ATF6: variants seen among roughly 807,000 people sequenced by gnomAD.
ATF6 encodes activating transcription factor 6.
ATF6 carries 53 observed loss-of-function variants against 83.6 expected under a neutral mutation model. The ratio of observed to expected loss-of-function variants is 0.63; its 90% CI spans 0.51 to 0.80. ATF6 has a LOEUF of 0.80. Among genes scored for constraint, ATF6 ranks in the 30% least tolerant of loss-of-function variants. The pLI is 0.00. For missense variants in ATF6, 744 were observed against 797.9 expected (o/e 0.93, Z 0.81); for synonymous variants, 288 against 285.8 (o/e 1.01, Z -0.08).
intron 15 of ATF6, among the ~76,000 whole-genome samples, chr1:161,921,995 C>CTGTT (rs4039613): frequency 2.6e-4 from 40 of 151,342 alleles, no homozygotes; most frequent in African/African-American, 4.1e-4. Context: ...CTTGTTTTCC[C>CTGTT]TGTTTGTTTG....
At chr1:161,820,535 A>G (rs1326502409) in intron 8 of ATF6, among the ~76,000 whole-genome samples, 2 of 152,116 alleles carry the variant, frequency 1.3e-5, no homozygotes, top group Non-Finnish European at 2.9e-5. Flanking sequence ...GGCGGATCAC[A>G]AGGTCAGGAG....
intron 9 of ATF6, chr1:161,839,935 G>A (rs537969561): frequency 3.7e-4 from 56 of 152,322 alleles, no homozygotes; most frequent in African/African-American, 1.2e-3. Flanking sequence ...GACTTCTGTC[G>A]TTTTAAAGAT....
intron 7 of ATF6, among the ~76,000 whole-genome samples, chr1:161,812,366 ATTTTCT>A (rs1685492018): frequency 1.1e-4 from 4 of 37,526 alleles, no homozygotes; most frequent in African/African-American, 3.5e-4. Context: ...GGGAGCAGGT[ATTTTCT>A]TTTTTTTTTT....
chr1:161,897,236 C>T (rs56372217), intron 14 of ATF6, among the ~76,000 whole-genome samples: 2,983 of 152,042 alleles, frequency 0.02, 109 homozygotes, highest in African/African-American at 0.067. Flanking sequence ...GAGTTTGAGA[C>T]CAGCCTGGGC....
chr1:161,792,315 G>A lies in ATF6; in HGVS notation c.676G>A (p.Ala226Thr). The change falls in exon 6 of 16, where the codon GCA becomes ACA. Residue 226 changes from alanine to threonine, a missense_variant. Ala to Thr is a moderately conservative substitution (Grantham distance 58, BLOSUM62 0). Transcript: ENST00000367942. ...KQQPIISLQP[A>T]PTKGQTVLLS... ...GCAACCAATTATCAGTTTACAACCT[G>A]CACCCACTAAAGGTACCTGAGCAGA... 1 of 1,613,626 alleles carries A rather than the reference G, an allele frequency of 6.2e-7. No homozygotes were observed.
In ATF6 at chr1:161,819,643, T is replaced by G. The variant is rs777778633; in HGVS notation, c.920T>G (p.Leu307Arg). The G allele has an allele frequency of 1.2e-6, 2 of 1,603,526 alleles. No individual in the cohort carries two copies. The highest frequency in any genetic ancestry group is 2.2e-5 in the South Asian group (2 of 89,142). Reference sequence around the variant, plus strand: ...TATAACTTTTTCTAGATTGCTGTGCTAAGGAGACAGCAACGTATGATAAAA... The same window carrying G: ...TATAACTTTTTCTAGATTGCTGTGCGAAGGAGACAGCAACGTATGATAAAA... The part of the protein sequence containing the change: ...MRNVGSDIAV[L>R]RRQQRMIKNR... Residue 307 changes from leucine (L) to arginine (R), a missense_variant, in exon 8 of 16, where the codon CTA becomes CGA. Leu to Arg is a moderately radical substitution (Grantham distance 102). Coordinates refer to ENST00000367942, the MANE Select transcript of ATF6 (RefSeq NM_007348.4).
intron 14 of ATF6, among the ~76,000 whole-genome samples, chr1:161,904,170 C>T (rs1687841740): frequency 1.3e-5 from 2 of 152,118 alleles, no homozygotes; most frequent in South Asian, 4.1e-4. Flanking sequence ...TATTTTACCC[C>T]AGTTTGACTT....
rs1389213223 is a variant in ATF6 at position 161,773,927 on chromosome 1, C to T, written c.83-4317C>T. Among the ~76,000 whole-genome samples the T allele has an allele frequency of 4.6e-5, 7 of 152,068 alleles. No homozygotes were observed. The East Asian group carries it at 1.2e-3, about 25-fold the overall frequency. On this transcript the variant is annotated intron_variant, in intron 1 of 15. Transcript: ENST00000367942. ...TTTAACCACAGAAAAGTCAAAAGATCAGTACACTGATAAACGTGCGTTTTC... is the reference window on the plus strand; with the variant it reads ...TTTAACCACAGAAAAGTCAAAAGATTAGTACACTGATAAACGTGCGTTTTC...
In ATF6 at chr1:161,843,198, G is replaced by A. The variant is rs576023413; in HGVS notation, c.1188-3251G>A. Reference sequence around the variant, plus strand: ...CTTAACATGCACATCTTTGAGATGTGGGAGGAAACTGGAGTACCCACAGGA... The same window carrying A: ...CTTAACATGCACATCTTTGAGATGTAGGAGGAAACTGGAGTACCCACAGGA... On this transcript the variant is annotated intron_variant, in intron 9 of 15. Coordinates refer to ENST00000367942, the MANE Select transcript of ATF6 (RefSeq NM_007348.4). Among the ~76,000 whole-genome samples the A allele has an allele frequency of 4.6e-5, 7 of 152,204 alleles. No homozygotes were observed. In the South Asian group the frequency reaches 1.0e-3, roughly 23 times the overall value.
intron 10 of ATF6, among the ~76,000 whole-genome samples, chr1:161,851,151 C>CACACAA: frequency 6.7e-6 from 1 of 148,212 alleles, no homozygotes; most frequent in Non-Finnish European, 1.5e-5. Flanking sequence ...TACACACACA[C>CACACAA]ACACACACAC....
At chr1:161,833,630 G>A (rs999055933) in intron 9 of ATF6, among the ~76,000 whole-genome samples, 1 of 152,166 alleles carries the variant, frequency 6.6e-6, no homozygotes, top group Non-Finnish European at 1.5e-5. Flanking sequence ...AGTAACCAAT[G>A]CGATCAACTG....
intron 14 of ATF6, among the ~76,000 whole-genome samples, chr1:161,866,960 G>C (rs924220504): frequency 6.6e-6 from 1 of 151,972 alleles, no homozygotes; most frequent in Non-Finnish European, 1.5e-5. Flanking sequence ...TTGTTGCCCA[G>C]GCTTGTCTTG....
At chr1:161,892,160 A>G (rs776964474) in intron 14 of ATF6, 4 of 152,194 alleles carry the variant, frequency 2.6e-5, no homozygotes, top group Admixed American at 6.5e-5. Flanking sequence ...CTCCAGTTTA[A>G]CAGATTGAAA....
chr1:161,779,855 A>G (rs1291933484), intron 2 of ATF6, among the ~76,000 whole-genome samples: 1 of 152,050 alleles, frequency 6.6e-6, no homozygotes, highest in African/African-American at 2.4e-5. Flanking sequence ...CTCATGTCTC[A>G]GCCTCCTGAA....
chr1:161,843,893 T>C (rs1157930270), intron 9 of ATF6, among the ~76,000 whole-genome samples: 1 of 152,170 alleles, frequency 6.6e-6, no homozygotes, highest in Admixed American at 6.6e-5. Flanking sequence ...CTTGATTGAT[T>C]AGTAGGTAAG....
chr1:161,888,471 T>G (rs1687477213), intron 14 of ATF6, among the ~76,000 whole-genome samples: 1 of 152,206 alleles, frequency 6.6e-6, no homozygotes, highest in Non-Finnish European at 1.5e-5. Context: ...GTAGTAAATA[T>G]GAGTGTGTAA....
chr1:161,800,980 C>G (rs570465368), intron 6 of ATF6, among the ~76,000 whole-genome samples: 9 of 152,258 alleles, frequency 5.9e-5, no homozygotes, highest in Non-Finnish European at 1.3e-4. Context: ...GGCACTTTTT[C>G]TGCAGCGTTA....
At chr1:161,869,848 A>G (rs1345253237) in intron 14 of ATF6, among the ~76,000 whole-genome samples, 1 of 151,844 alleles carries the variant, frequency 6.6e-6, no homozygotes, top group African/African-American at 2.4e-5. Context: ...GTAGTTTACA[A>G]ACCTCTTTCA....
chr1:161,788,665 G>C (rs980116985), intron 4 of ATF6, among the ~76,000 whole-genome samples: 1 of 151,416 alleles, frequency 6.6e-6, no homozygotes, highest in Non-Finnish European at 1.5e-5. Flanking sequence ...TTAACCATAT[G>C]GTTTACCTTT....
Sources: allele counts gnomAD v4.1 joint callset (sites outside exome capture counted in the v4.1 genomes callset), GRCh38; gene constraint gnomAD v4.1.1; transcripts MANE v1.5; gene names NCBI Gene and HGNC (gene_info 2026-07-23, HGNC 2026-07-21).